EYS: variants seen among roughly 807,000 people sequenced by gnomAD.
EYS encodes the protein protein eyes shut homolog.
In EYS, 250 loss-of-function variants were observed where a neutral mutation model predicts 282.1. The ratio of observed to expected loss-of-function variants is 0.89; its 90% CI spans 0.80 to 0.98. The LOEUF (loss-of-function observed/expected upper bound fraction) is 0.98, where lower values mean the gene tolerates loss of function less well. Ranked by LOEUF, EYS falls within the 50% of genes least tolerant of loss-of-function variation. The pLI, the probability that EYS is intolerant of heterozygous loss-of-function variation, is 0.00. For synonymous variants in EYS, 1,355 were observed against 1,282.9 expected, an observed-to-expected ratio of 1.06 and a Z score of -1.20; for missense variants, 4,016 against 3,709.0, an observed-to-expected ratio of 1.08 and a Z score of -2.15.
chr6:65,252,472 C>T (rs796542569), intron 12 of EYS, among the ~76,000 whole-genome samples: 69 of 152,040 alleles, frequency 4.5e-4, no homozygotes, highest in African/African-American at 1.5e-3. Context: ...CTAAACAAAT[C>T]AACTGCTTGC....
chr6:64,861,777 A>G (rs1371363659), intron 19 of EYS, among the ~76,000 whole-genome samples: 1 of 152,220 alleles, frequency 6.6e-6, no homozygotes, highest in Non-Finnish European at 1.5e-5. Context: ...CAATGTACAT[A>G]ATACATCTTT....
At chr6:65,412,677 A>AT (rs1371922582) in intron 5 of EYS, among the ~76,000 whole-genome samples, 1 of 151,714 alleles carries the variant, frequency 6.6e-6, no homozygotes, top group African/African-American at 2.4e-5. Context: ...ATTTATTGAG[A>AT]TTTTTGGATT....
intron 26 of EYS, among the ~76,000 whole-genome samples, chr6:64,565,682 C>A (rs1014214391): frequency 6.6e-5 from 10 of 151,736 alleles, no homozygotes; most frequent in African/African-American, 2.4e-4. Context: ...TTCAAAAGAT[C>A]TAATACGTGG....
At chr6:64,624,420 A>G (rs1412239733) in intron 23 of EYS, among the ~76,000 whole-genome samples, 1 of 152,186 alleles carries the variant, frequency 6.6e-6, no homozygotes, top group Non-Finnish European at 1.5e-5. Flanking sequence ...TAGCTACCAT[A>G]GAGTATGAAG....
chr6:65,690,312 A>G lies in EYS; in HGVS notation c.-448+16823T>C, dbSNP rs1582607216. 1.3e-5 allele frequency among the ~76,000 whole-genome samples: 2 copies of G among 150,072 alleles called. 1 individual carries two copies. Among genetic ancestry groups the G allele is most frequent in the South Asian group, 4.3e-4 (2 of 4,678 alleles). On this transcript the variant is annotated intron_variant, in intron 1 of 42. Coordinates refer to ENST00000503581, the MANE Select transcript of EYS (RefSeq NM_001142800.2). ...AGACCAGAAATTCTCAGAAGGGAGTATGCCTTAACCCTAAACAGACCTAGA... is the reference window on the plus strand; with the variant it reads ...AGACCAGAAATTCTCAGAAGGGAGTGTGCCTTAACCCTAAACAGACCTAGA...
intron 28 of EYS, among the ~76,000 whole-genome samples, chr6:64,390,132 G>C (rs1439512152): frequency 6.6e-6 from 1 of 152,136 alleles, no homozygotes; most frequent in South Asian, 2.1e-4. Context: ...TACGCCCACG[G>C]AGTCTCGCTG....
intron 2 of EYS, among the ~76,000 whole-genome samples, chr6:65,591,312 C>G (rs201753219): frequency 5.9e-5 from 9 of 151,852 alleles, no homozygotes; most frequent in Non-Finnish European, 1.0e-4. Context: ...AATCCTCCCC[C>G]CTCAGCCTCC....
intron 19 of EYS, among the ~76,000 whole-genome samples, chr6:64,862,070 G>C (rs1184859790): frequency 6.6e-6 from 1 of 152,186 alleles, no homozygotes; most frequent in Non-Finnish European, 1.5e-5. Flanking sequence ...TTGCTAGACA[G>C]TGACTTCTAG....
chr6:64,397,371 A>T (rs1402967218), intron 28 of EYS, among the ~76,000 whole-genome samples: 3 of 152,040 alleles, frequency 2.0e-5, no homozygotes, highest in Non-Finnish European at 4.4e-5. Flanking sequence ...CACTGATGTT[A>T]TATCTACCTT....
At chr6:65,159,874 G>A (rs1764811148) in intron 12 of EYS, among the ~76,000 whole-genome samples, 4 of 150,946 alleles carry the variant, frequency 2.6e-5, no homozygotes, top group African/African-American at 9.7e-5. Flanking sequence ...TGGAGAGAGA[G>A]AAGAGAGGGA....
At chr6:64,605,394 A>G (rs1766895851) in intron 24 of EYS, among the ~76,000 whole-genome samples, 1 of 151,994 alleles carries the variant, frequency 6.6e-6, no homozygotes, top group Admixed American at 6.6e-5. Flanking sequence ...TTTAAATTTA[A>G]GTACTTTGTA....
chr6:64,950,835 T>TATATATATATATA, intron 14 of EYS, among the ~76,000 whole-genome samples: 70 of 50,098 alleles, frequency 1.4e-3, no homozygotes, highest in African/African-American at 2.1e-3. Flanking sequence ...ATATATATAT[T>TATATATATATATA]GTTGAATTGT....
intron 35 of EYS, among the ~76,000 whole-genome samples, chr6:63,880,292 A>G (rs76774093): frequency 0.018 from 2,707 of 152,086 alleles, 220 homozygotes; most frequent in Admixed American, 0.14. Context: ...TCCAGCCTAC[A>G]TTTTTCTCCT....
chr6:65,244,027 C>G (rs780432221), intron 12 of EYS, among the ~76,000 whole-genome samples: 1 of 152,144 alleles, frequency 6.6e-6, no homozygotes, highest in Non-Finnish European at 1.5e-5. Context: ...CTCTTCTCTC[C>G]ATCCCTTCAT....
rs944108700 is a variant in EYS at position 63,866,284 on chromosome 6, A to C, written c.7056-1926T>G. On this transcript the variant is annotated intron_variant, in intron 35 of 42. Coordinates refer to ENST00000503581, the MANE Select transcript of EYS (RefSeq NM_001142800.2). Reference sequence around the variant, plus strand: ...TAATGTTGTTTGGGGGTAATGGATAAATCTGATATAACTTTGCTTCCACTG... The same window carrying C: ...TAATGTTGTTTGGGGGTAATGGATACATCTGATATAACTTTGCTTCCACTG... Among the ~76,000 whole-genome samples, 5 of 152,278 alleles carry C rather than the reference A, an allele frequency of 3.3e-5. No homozygotes were observed. The South Asian group carries it at 6.2e-4, about 19-fold the overall frequency.
intron 33 of EYS, among the ~76,000 whole-genome samples, chr6:64,038,605 T>G (rs1770236268): frequency 6.6e-6 from 1 of 151,964 alleles, no homozygotes; most frequent in Admixed American, 6.6e-5. Flanking sequence ...TATAAAATTA[T>G]ATAAAATGTT....
At chr6:64,537,139 C>A (rs1156813200) in intron 26 of EYS, among the ~76,000 whole-genome samples, 1 of 145,976 alleles carries the variant, frequency 6.9e-6, no homozygotes, top group Non-Finnish European at 1.5e-5. Flanking sequence ...GTATAACTCC[C>A]AATGCTATCC....
At chr6:65,400,393 T>C (rs1333668082) in intron 7 of EYS, among the ~76,000 whole-genome samples, 1 of 151,994 alleles carries the variant, frequency 6.6e-6, no homozygotes, top group East Asian at 1.9e-4. Flanking sequence ...ATCTGTCTGA[T>C]ACCTCCAAGA....
intron 35 of EYS, among the ~76,000 whole-genome samples, chr6:63,888,299 A>G (rs917184889): frequency 1.3e-5 from 2 of 152,226 alleles, no homozygotes; most frequent in African/African-American, 4.8e-5. Context: ...TAAGGGACAG[A>G]CTGCCTCCTC....
Sources: allele counts gnomAD v4.1 joint callset (sites outside exome capture counted in the v4.1 genomes callset), GRCh38; gene constraint gnomAD v4.1.1; transcripts MANE v1.5; gene names NCBI Gene and HGNC (gene_info 2026-07-23, HGNC 2026-07-21).